The following MAP3K6 variants were observed in gnomAD, a reference collection of about 807,000 sequenced individuals.
MAP3K6 encodes mitogen-activated protein kinase kinase kinase 6.
In MAP3K6, 105 loss-of-function variants were observed where a neutral mutation model predicts 147.1. The observed-to-expected ratio is 0.71, with a 90% CI of 0.61 to 0.84. MAP3K6 has a LOEUF of 0.84. MAP3K6 is among the 40% of genes least tolerant of loss of function. The probability of loss-of-function intolerance (pLI) is 0.00; values close to 1 mark genes in which losing one functional copy is unlikely to be tolerated. For synonymous variants in MAP3K6, 695 were observed against 732.4 expected (o/e 0.95, Z 0.82); for missense variants, 1,569 against 1,715.0 (o/e 0.91, Z 1.50).
chr1:27,364,304 C>T lies in MAP3K6; in HGVS notation c.595G>A (p.Ala199Thr). The T allele has an allele frequency of 5.0e-6, 8 of 1,613,980 alleles. No homozygotes were observed. Among genetic ancestry groups the T allele is most frequent in the African/African-American group, 1.3e-5 (1 of 75,056 alleles). ...CGDAGLLRGL[A>T]DGLVQAGVGT... ...ACTCCAGCCTGTACCAGCCCATCAG[C>T]CAGGCCCCGCAGAAGGCCTGCATCA... The change falls in exon 4 of 29, where the codon GCT (alanine) becomes ACT (threonine). Residue 199 changes from alanine to threonine, a missense_variant. By Grantham distance (58) the Ala-to-Thr change is moderately conservative (BLOSUM62 0). Coordinates refer to ENST00000357582, the MANE Select transcript of MAP3K6 (RefSeq NM_004672.5). This position sits in a 1 kb window ranked among gnomAD's most constrained non-coding sequence, Gnocchi z 4.4.
chr1:27,355,629 G>A, intron 28 of MAP3K6, 40 bp downstream of exon 28: 1 of 1,607,678 alleles, frequency 6.2e-7, no homozygotes, highest in Non-Finnish European at 8.5e-7. Context: ...CCAGGATGAG[G>A]CCATATGCAT....
At chr1:27,357,685 A>AG in intron 22 of MAP3K6, 26 bp downstream of exon 22, 1 of 1,605,918 alleles carries the variant, frequency 6.2e-7, no homozygotes, top group Non-Finnish European at 8.5e-7. Flanking sequence ...TGCGACCACC[A>AG]GGGGGCGCTA....
rs1230814317 is a variant in MAP3K6, at chr1:27,356,760, G to A, written c.3365-11C>T. The A allele has an allele frequency of 6.5e-7, 1 of 1,544,054 alleles. No individual in the cohort carries two copies. Among genetic ancestry groups the A allele is most frequent in the Non-Finnish European group, 8.7e-7 (1 of 1,145,740 alleles). ...CCTCCTTCTCCACCTCTGCAGCCCA[G>A]TGCGGTGAACTCAGGCAAGGCTACA... is the stretch of plus-strand genomic sequence containing the variant. On this transcript the variant is annotated splice_polypyrimidine_tract_variant and intron_variant, in intron 24 of 28. Transcript: ENST00000357582.
chr1:27,357,067 G>T lies in MAP3K6; in HGVS notation c.3306C>A (p.Phe1102Leu). Residue 1102 changes from phenylalanine to leucine, a missense_variant, in exon 24 of 29, where the codon TTC (phenylalanine) becomes TTA (leucine). Coordinates refer to ENST00000357582, the MANE Select transcript of MAP3K6 (RefSeq NM_004672.5). ...RKRQIRPHWM[F>L]VLDSLLSRAV... is the part of the protein sequence containing the mutation. Reference sequence around the variant, plus strand: ...CACGGCTGAGCAGTGAGTCCAGAACGAACATCCAGTGTGGACGGATCTGGC... The same window carrying T: ...CACGGCTGAGCAGTGAGTCCAGAACTAACATCCAGTGTGGACGGATCTGGC... The T allele has an allele frequency of 6.2e-7, 1 of 1,614,054 alleles. No individual in the cohort carries two copies. The highest frequency in any genetic ancestry group is 8.5e-7 in the Non-Finnish European group (1 of 1,180,028).
chr1:27,355,401 G>C lies in MAP3K6; in HGVS notation c.3857C>G (p.Ser1286Cys), dbSNP rs370280703. The change falls in exon 29 of 29, where the codon TCT (serine) becomes TGT (cysteine). Residue 1286 changes from serine (S) to cysteine (C), a missense_variant. Physicochemically the swap from Ser to Cys is moderately radical, Grantham distance 112 (BLOSUM62 -1). Transcript: ENST00000357582. ...GCCCTCATTCAGCTCTCAGGGTCCA[G>C]AGGTGACTGGTGTGGATCCTGCTCG... is the stretch of plus-strand genomic sequence containing the variant. ...AQRAGSTPVT[S>C]GP 8.7e-6 allele frequency: 14 copies of C among 1,613,992 alleles called. No homozygotes were observed. Among genetic ancestry groups the C allele is most frequent in the Non-Finnish European group, 5.1e-6 (6 of 1,179,960 alleles).
chr1:27,357,369 G>A (rs2015566190), intron 23 of MAP3K6, 31 bp downstream of exon 23: 2 of 1,575,272 alleles, frequency 1.3e-6, no homozygotes, highest in Non-Finnish European at 1.7e-6. Flanking sequence ...CCTGTTGTTG[G>A]GCAGCTCTAA....
At chr1:27,355,904 T>C in intron 27 of MAP3K6, 122 bp downstream of exon 27, 1 of 1,133,830 alleles carries the variant, frequency 8.8e-7, no homozygotes, top group Admixed American at 1.9e-5. Flanking sequence ...ACGAGAATAC[T>C]AAGTGTTCTT....
rs1370289168 is a variant in MAP3K6 at position 27,360,201 on chromosome 1, C to CGA, written c.2182+39_2182+40insTC. On this transcript the variant is annotated intron_variant, in intron 16 of 28. Transcript: ENST00000357582. The surrounding 1 kb of genome is among the most constrained non-coding windows in gnomAD (Gnocchi z 4.5). The stretch of plus-strand genomic sequence containing the variant: ...CCCTGCCTGCCTCGGTCCCATGCTT[C>CGA]ACACCTCGGTTTCATTCCCATCCCA... The CGA allele has an allele frequency of 5.0e-6, 8 of 1,609,982 alleles. No homozygotes were observed. The highest frequency in any genetic ancestry group is 6.8e-6 in the Non-Finnish European group (8 of 1,177,226).
In MAP3K6 at chr1:27,360,693, C is replaced by T; in HGVS notation, c.2054+12G>A. 1 of 1,608,634 alleles carries T rather than the reference C, an allele frequency of 6.2e-7. No individual in the cohort carries two copies. Among genetic ancestry groups the T allele is most frequent in the Non-Finnish European group, 8.5e-7 (1 of 1,178,082 alleles). On this transcript the variant is annotated intron_variant, in intron 15 of 28. Transcript: ENST00000357582. This position sits in a 1 kb window ranked among gnomAD's most constrained non-coding sequence, Gnocchi z 4.5. ...GAGCCCTCAGCCCCACCCGCGCTGC[C>T]ACGCACCGCACCTGCTGTCCCGCTC...
At chr1:27,362,558 C>T in intron 8 of MAP3K6, 83 bp downstream of exon 8, 4 of 1,073,830 alleles carry the variant, frequency 3.7e-6, no homozygotes, top group Non-Finnish European at 5.4e-6. Flanking sequence ...TAGCTCTTGC[C>T]CAGTGTGCTC....
Position 27,357,535 on chromosome 1 carries a change from G to A in MAP3K6, c.3123C>T (p.Arg1041=). The change falls in exon 23 of 29, where the codon CGC becomes CGT. Residue 1041 remains arginine, a synonymous_variant. Transcript: ENST00000357582. The part of the protein sequence containing the change: ...LGRNHVEELL[R]CLGAHIHTPN... The stretch of plus-strand genomic sequence containing the variant: ...GAGTGTGGATGTGTGCCCCGAGGCA[G>A]CGCAGCAGCTCTTCCACATGGTTTC... 1 of 1,613,216 alleles carries A rather than the reference G, an allele frequency of 6.2e-7. No individual in the cohort carries two copies. The highest frequency in any genetic ancestry group is 8.5e-7 in the Non-Finnish European group (1 of 1,179,760).
Position 27,355,652 on chromosome 1 carries a change from G to A in MAP3K6, c.3788+17C>T, listed in dbSNP as rs371911149. 3.1e-6 allele frequency: 5 copies of A among 1,613,132 alleles called. No individual in the cohort carries two copies. In the African/African-American group the frequency reaches 6.7e-5, roughly 22 times the overall value. The stretch of plus-strand genomic sequence containing the variant: ...AGGCCATATGCATGGTTCACACTTG[G>A]GGGGCCCAGGATGTACCTGATGCGG... On this transcript the variant is annotated intron_variant, in intron 28 of 28. Transcript: ENST00000357582.
At position 27,361,622 on chromosome 1, in the gene MAP3K6, C is replaced by A. The variant is rs1481456612; in HGVS notation, c.1584G>T (p.Leu528=). ...ACAQGDQCLV[L]VLEMNKVLLP... Reference sequence around the variant, plus strand: ...GCAGCACCTTGTTCATCTCCAGGACCAGCACCTGCAGGCAGTTGGGGAGTG... The same window carrying A: ...GCAGCACCTTGTTCATCTCCAGGACAAGCACCTGCAGGCAGTTGGGGAGTG... Residue 528 remains leucine, a synonymous_variant, in exon 11 of 29, where the codon CTG becomes CTT. Transcript: ENST00000357582. 1 of 1,614,200 alleles carries A rather than the reference C, an allele frequency of 6.2e-7. No individual in the cohort carries two copies. The highest frequency in any genetic ancestry group is 8.5e-7 in the Non-Finnish European group (1 of 1,180,046).
chr1:27,362,607 G>T, intron 8 of MAP3K6, 34 bp downstream of exon 8: 1 of 1,491,200 alleles, frequency 6.7e-7, no homozygotes, highest in South Asian at 1.2e-5. Context: ...GAACCCCTGT[G>T]GGTGACGAGA....
At position 27,359,907 on chromosome 1, in the gene MAP3K6, T is replaced by C; in HGVS notation, c.2270A>G (p.Gln757Arg). The part of the protein sequence containing the change: ...TISFYTRQIL[Q>R]GLGYLHDNHI... Reference sequence around the variant, plus strand: ...GTTGTCGTGCAAGTAGCCAAGTCCCTGCAGGATCTGGCGGGTGTAGAAACT... The same window carrying C: ...GTTGTCGTGCAAGTAGCCAAGTCCCCGCAGGATCTGGCGGGTGTAGAAACT... Residue 757 changes from glutamine to arginine, a missense_variant, in exon 17 of 29, where the codon CAG becomes CGG. By Grantham distance (43) the Gln-to-Arg change is conservative. Transcript: ENST00000357582. This position sits in a 1 kb window ranked among gnomAD's most constrained non-coding sequence, Gnocchi z 4.4. The C allele has an allele frequency of 1.2e-6, 2 of 1,614,166 alleles. No homozygotes were observed. Among genetic ancestry groups the C allele is most frequent in the Non-Finnish European group, 1.7e-6 (2 of 1,180,018 alleles).
Position 27,356,530 on chromosome 1 carries a change from G to A in MAP3K6, c.3525-30C>T, listed in dbSNP as rs553143144. 1.7e-5 allele frequency: 28 copies of A among 1,611,328 alleles called. No individual in the cohort carries two copies. In the East Asian group the frequency reaches 4.7e-4, roughly 27 times the overall value. On this transcript the variant is annotated intron_variant, in intron 25 of 28. Transcript: ENST00000357582. ...GGGGCGCAGAAGAGTAGAATGGAGC[G>A]GTGAGTGGTGAGTGGGTTGAAGCCC...
chr1:27,364,715 T>A lies in MAP3K6; in HGVS notation c.481-31A>T, dbSNP rs773260531. 1 of 1,614,076 alleles carries A rather than the reference T, an allele frequency of 6.2e-7. No individual in the cohort carries two copies. The highest frequency in any genetic ancestry group is 2.2e-5 in the East Asian group (1 of 44,864). ...GGAGGCAGACAGTCAGATACTGGTG[T>A]TCTGTGTAGGCCTTACCCCAGCCCT... On this transcript the variant is annotated intron_variant, in intron 2 of 28. Transcript: ENST00000357582. This position sits in a 1 kb window ranked among gnomAD's most constrained non-coding sequence, Gnocchi z 4.4.
rs1304004877 is a variant in MAP3K6, at chr1:27,355,364, CT to C, written c.*26del. ...TCCATTCATCCATCCTTGGGCCTGT[CT>C]GGCCTATGATGCCCTCATTCAGCTC... On this transcript the variant is annotated 3_prime_UTR_variant, in exon 29 of 29. Transcript: ENST00000357582. The C allele has an allele frequency of 2.5e-6, 4 of 1,600,442 alleles. No homozygotes were observed. The highest frequency in any genetic ancestry group is 2.6e-6 in the Non-Finnish European group (3 of 1,167,494).
In MAP3K6 at chr1:27,356,061, G is replaced by A; in HGVS notation, c.3676C>T (p.Gln1226Ter). 2 of 1,614,142 alleles carry A rather than the reference G, an allele frequency of 1.2e-6. No homozygotes were observed. Among genetic ancestry groups the A allele is most frequent in the East Asian group, 2.2e-5 (1 of 44,888 alleles). ...GTGCCTGAATCCACATTCAGTTCCT[G>A]TAGCCACTGCACCAGGCCCTGGTCC... Reference protein sequence around the residue: ...STDQGLVQWLQELNVDSGTIQ... With the variant: ...STDQGLVQWL Residue 1226 changes from glutamine (Q) to a stop codon, truncating the protein, a stop_gained, in exon 27 of 29, where the codon CAG becomes TAG. Transcript: ENST00000357582. LOFTEE classifies it high-confidence loss of function.
Sources: gnomAD v4.1 joint callset for allele counts on GRCh38, gnomAD v4.1.1 for gene constraint, Gnocchi (gnomAD v3.1) non-coding constraint, MANE v1.5 for transcripts, NCBI Gene and HGNC (gene_info 2026-07-23, HGNC 2026-07-21) for gene names.